Variants in CASTOR2 observed in about 807,000 individuals in gnomAD.
CASTOR2 encodes cytosolic arginine sensor for mTORC1 subunit 2, also known as GATS protein like 2.
A neutral mutation model predicts 31.2 loss-of-function variants in CASTOR2; 8 were observed. The observed-to-expected ratio is 0.26, with a 90% CI of 0.15 to 0.46. The LOEUF is 0.46. Among genes scored for constraint, CASTOR2 ranks in the 20% least tolerant of loss-of-function variants. The probability of loss-of-function intolerance (pLI) is 0.99; values close to 1 mark genes in which losing one functional copy is unlikely to be tolerated. For missense variants in CASTOR2, 216 were observed against 382.1 expected, an observed-to-expected ratio of 0.57 and a Z score of 3.62; for synonymous variants, 162 against 158.7, an observed-to-expected ratio of 1.02 and a Z score of -0.16.
intron 1 of CASTOR2, among the ~76,000 whole-genome samples, chr7:74,999,555 A>G (rs1804442714): frequency 6.7e-6 from 1 of 148,866 alleles, no homozygotes; most frequent in Admixed American, 6.7e-5. Flanking sequence ...CTCTGGGAAG[A>G]AAAGCCCCAT....
intron 1 of CASTOR2, among the ~76,000 whole-genome samples, chr7:74,999,531 T>TC (rs1159342960): frequency 8.2e-6 from 1 of 122,518 alleles, no homozygotes; most frequent in African/African-American, 3.3e-5. Flanking sequence ...GCACTCACCC[T>TC]CCCCCTGATT....
chr7:75,020,462 C>A (rs1173507716), intron 6 of CASTOR2, among the ~76,000 whole-genome samples: 1 of 149,436 alleles, frequency 6.7e-6, no homozygotes, highest in Non-Finnish European at 1.5e-5. Context: ...AGCTCCTGAC[C>A]TCAGGCAATC....
chr7:75,000,373 A>G (rs1804464942), intron 1 of CASTOR2, among the ~76,000 whole-genome samples: 2 of 152,128 alleles, frequency 1.3e-5, no homozygotes, highest in Non-Finnish European at 2.9e-5. Flanking sequence ...CCTCACTTGG[A>G]TAGGCTGCAG....
intron 2 of CASTOR2, among the ~76,000 whole-genome samples, chr7:75,013,137 G>A (rs1554439634): frequency 6.6e-6 from 1 of 152,214 alleles, no homozygotes; most frequent in Non-Finnish European, 1.5e-5. Flanking sequence ...ACCCCGTTCT[G>A]CAAACCTCCA....
In CASTOR2 at chr7:75,003,308, G is replaced by A. The variant is rs1306515278; in HGVS notation, c.114-4686G>A. Among the ~76,000 whole-genome samples the A allele has an allele frequency of 1.3e-5, 2 of 152,066 alleles. 1 individual carries two copies. Among genetic ancestry groups the A allele is most frequent in the African/African-American group, 4.8e-5 (2 of 41,406 alleles). On this transcript the variant is annotated intron_variant, in intron 1 of 8. Coordinates refer to ENST00000616305, the MANE Select transcript of CASTOR2 (RefSeq NM_001145064.3). ...CAAAAAATAAAAAATTAGCCGGCTGGGCTTGGGTAATGCACGCCTGTAGTC... is the reference window on the plus strand; with the variant it reads ...CAAAAAATAAAAAATTAGCCGGCTGAGCTTGGGTAATGCACGCCTGTAGTC...
chr7:75,024,843 A>AGG lies in CASTOR2; in HGVS notation c.*144_*145insGG. ...TCTGTGGGAGACTCCCTCGATTGCC[A>AGG]ATCCCTCCAGGGCAGGGGCCCACGC... On this transcript the variant is annotated 3_prime_UTR_variant, in exon 9 of 9. Coordinates refer to ENST00000616305, the MANE Select transcript of CASTOR2 (RefSeq NM_001145064.3). 2 of 1,541,746 alleles carry AGG rather than the reference A, an allele frequency of 1.3e-6. No homozygotes were observed. The highest frequency in any genetic ancestry group is 2.0e-5 in the Admixed American group (1 of 50,806).
intron 1 of CASTOR2, among the ~76,000 whole-genome samples, chr7:74,997,749 TA>T (rs1306617215): frequency 1.3e-5 from 2 of 151,832 alleles, no homozygotes; most frequent in African/African-American, 4.8e-5. Context: ...TTTTTTTTTT[TA>T]ATCATAGGTA....
intron 1 of CASTOR2, among the ~76,000 whole-genome samples, chr7:75,001,354 A>G (rs1217024602): frequency 6.6e-6 from 1 of 152,192 alleles, no homozygotes; most frequent in Admixed American, 6.5e-5. Context: ...CTGAGATTAC[A>G]GATGTGAGCC....
intron 1 of CASTOR2, among the ~76,000 whole-genome samples, chr7:74,988,855 CTT>C (rs1423196185): frequency 3.6e-5 from 5 of 139,692 alleles, no homozygotes; most frequent in Admixed American, 7.3e-5. Flanking sequence ...CTGAGGCATG[CTT>C]TTTTTTTTTT....
At chr7:74,998,600 CAAA>C (rs1159460301) in intron 1 of CASTOR2, among the ~76,000 whole-genome samples, 19 of 120,068 alleles carry the variant, frequency 1.6e-4, no homozygotes, top group Admixed American at 2.5e-4. Flanking sequence ...GACTCCATCT[CAAA>C]AAAAAAAAAA....
intron 1 of CASTOR2, among the ~76,000 whole-genome samples, chr7:74,998,260 G>A (rs1804400796): frequency 1.3e-5 from 2 of 152,162 alleles, no homozygotes; most frequent in Non-Finnish European, 2.9e-5. Context: ...GCCCTGTGCT[G>A]GGCATGGCGG....
Position 75,024,586 on chromosome 7 carries a change from G to A in CASTOR2, c.925-48G>A, listed in dbSNP as rs924028844. ...AGGGCAGGGCCGGGGTGGGGAAGCA[G>A]GTTCCTGGGCTCACGGGCAGGCATC... On this transcript the variant is annotated intron_variant, in intron 8 of 8. Transcript: ENST00000616305. 20 of 1,550,926 alleles carry A rather than the reference G, an allele frequency of 1.3e-5. No individual in the cohort carries two copies. The African/African-American group carries it at 2.2e-4, about 17-fold the overall frequency.
At chr7:75,024,131 T>TA (rs1214062607) in intron 7 of CASTOR2, among the ~76,000 whole-genome samples, 1 of 151,810 alleles carries the variant, frequency 6.6e-6, no homozygotes, top group African/African-American at 2.4e-5. Flanking sequence ...CTACTAAAAA[T>TA]ACAAAAAAAT....
intron 6 of CASTOR2, 77 bp from the exon 7 acceptor site, chr7:75,021,797 G>C: frequency 1.3e-6 from 2 of 1,518,002 alleles, no homozygotes; most frequent in Non-Finnish European, 1.8e-6. Context: ...GCCTCGCTCT[G>C]GCTGGTGCAC....
rs369879917 is a variant in CASTOR2, at chr7:74,976,531, T to TCTCCTC, written c.113+11467_113+11472dup. Among the ~76,000 whole-genome samples the TCTCCTC allele has an allele frequency of 3.6e-3, 432 of 118,868 alleles. 12 individuals are homozygous for TCTCCTC. Among genetic ancestry groups the TCTCCTC allele is most frequent in the African/African-American group, 0.013 (377 of 29,866 alleles). 78.0% of individuals were successfully genotyped at this position (118,868 alleles called of 152,430 possible). ...GCCTGGACAACATAATGAGACCCTG[T>TCTCCTC]CTCCTCCTCCTCCTCCTCCTCCTCC... On this transcript the variant is annotated intron_variant, in intron 1 of 8. Coordinates refer to ENST00000616305, the MANE Select transcript of CASTOR2 (RefSeq NM_001145064.3).
chr7:75,019,093 T>C lies in CASTOR2; in HGVS notation c.633T>C (p.Asn211=). 2 of 1,551,664 alleles carry C rather than the reference T, an allele frequency of 1.3e-6. No individual in the cohort carries two copies. Among genetic ancestry groups the C allele is most frequent in the South Asian group, 1.2e-5 (1 of 84,058 alleles). ...TLLMDVMFYS[N]GVKDPMATGD... ...TCATGGATGTCATGTTCTACTCCAA[T>C]GGGTAGGGCTGCCTTGGGCATGAGG... The change falls in exon 5 of 9, where the codon AAT becomes AAC. Residue 211 remains asparagine (N), a splice_region_variant and synonymous_variant. Transcript: ENST00000616305.
chr7:75,008,051 G>A lies in CASTOR2; in HGVS notation c.171G>A (p.Glu57=). The A allele has an allele frequency of 1.2e-6, 2 of 1,613,844 alleles. No individual in the cohort carries two copies. Among genetic ancestry groups the A allele is most frequent in the East Asian group, 2.2e-5 (1 of 44,874 alleles). The part of the protein sequence containing the change: ...TPEDYTIIVD[E]EGFLELPSSE... Reference sequence around the variant, plus strand: ...AGGATTACACTATCATTGTCGATGAGGAAGGATTCCTAGGTAAGTGCTTCT... The same window carrying A: ...AGGATTACACTATCATTGTCGATGAAGAAGGATTCCTAGGTAAGTGCTTCT... Residue 57 remains glutamate (E), a synonymous_variant, in exon 2 of 9, where the codon GAG becomes GAA. Coordinates refer to ENST00000616305, the MANE Select transcript of CASTOR2 (RefSeq NM_001145064.3).
At chr7:74,975,882 C>G (rs1257198885) in intron 1 of CASTOR2, among the ~76,000 whole-genome samples, 52 of 140,662 alleles carry the variant, frequency 3.7e-4, no homozygotes, top group African/African-American at 1.2e-3. Flanking sequence ...AGGAAACCAA[C>G]CCCCAAGGCC....
chr7:74,996,088 G>A (rs1804340329), intron 1 of CASTOR2, among the ~76,000 whole-genome samples: 2 of 152,166 alleles, frequency 1.3e-5, no homozygotes. Flanking sequence ...GCGTGGCAGA[G>A]GGGCAGGGGT....
Sources: allele counts gnomAD v4.1 joint callset (sites outside exome capture counted in the v4.1 genomes callset), GRCh38; gene constraint gnomAD v4.1.1; transcripts MANE v1.5; gene names NCBI Gene and HGNC (gene_info 2026-07-23, HGNC 2026-07-21).